THSD7B: variants seen among roughly 807,000 people sequenced by gnomAD.
THSD7B encodes thrombospondin type-1 domain-containing protein 7B.
In THSD7B, 138 loss-of-function variants were observed where a neutral mutation model predicts 213.6. That is an observed-to-expected ratio of 0.65 (90% confidence interval 0.56 to 0.74). THSD7B has a LOEUF of 0.74. THSD7B is among the 30% of genes least tolerant of loss of function. The probability of loss-of-function intolerance (pLI) is 0.00; values close to 1 mark genes in which losing one functional copy is unlikely to be tolerated. For synonymous variants in THSD7B, 742 were observed against 687.0 expected, an observed-to-expected ratio of 1.08 and a Z score of -1.25; for missense variants, 1,931 against 1,991.5, an observed-to-expected ratio of 0.97 and a Z score of 0.58.
intron 14 of THSD7B, among the ~76,000 whole-genome samples, chr2:137,420,375 C>G (rs1452032236): frequency 6.6e-6 from 1 of 152,072 alleles, no homozygotes. Context: ...TCCTAATAAC[C>G]TTTCTGAACT....
chr2:137,658,683 T>A (rs565205595), intron 24 of THSD7B, among the ~76,000 whole-genome samples: 1 of 152,332 alleles, frequency 6.6e-6, no homozygotes, highest in South Asian at 2.1e-4. Context: ...AATTCTGGAC[T>A]GTGAATTTTG....
At position 137,567,459 on chromosome 2, in the gene THSD7B, G is replaced by A. The variant is rs62168016; in HGVS notation, c.3272+4105G>A. Reference sequence around the variant, plus strand: ...ACATTTGAAAAGAGCCTTATTGGATGTGGTATAGGGAAGGTATTTTCAGAG... The same window carrying A: ...ACATTTGAAAAGAGCCTTATTGGATATGGTATAGGGAAGGTATTTTCAGAG... On this transcript the variant is annotated intron_variant, in intron 16 of 27. Coordinates refer to ENST00000409968, the MANE Select transcript of THSD7B (RefSeq NM_001316349.2). Among the ~76,000 whole-genome samples the A allele has an allele frequency of 3.4e-3, 519 of 152,180 alleles. 1 individual carries two copies. Among genetic ancestry groups the A allele is most frequent in the Non-Finnish European group, 5.3e-3 (358 of 68,004 alleles).
At chr2:137,268,813 C>A (rs1365711528) in intron 10 of THSD7B, among the ~76,000 whole-genome samples, 1 of 152,128 alleles carries the variant, frequency 6.6e-6, no homozygotes, top group Non-Finnish European at 1.5e-5. Context: ...TGGAGTTGCT[C>A]TGGTTCAAAC....
intron 2 of THSD7B, among the ~76,000 whole-genome samples, chr2:137,018,250 T>C (rs1686378985): frequency 1.3e-5 from 2 of 152,128 alleles, no homozygotes; most frequent in Non-Finnish European, 2.9e-5. Flanking sequence ...AATATTCTCA[T>C]TTAAAAAATT....
chr2:136,779,530 A>G (rs1221080126), intron 1 of THSD7B, among the ~76,000 whole-genome samples: 1 of 152,196 alleles, frequency 6.6e-6, no homozygotes, highest in Non-Finnish European at 1.5e-5. Context: ...CTGCATATAC[A>G]TTAGGAGCTA....
chr2:136,908,283 T>C (rs1394277513), intron 2 of THSD7B, among the ~76,000 whole-genome samples: 1 of 152,216 alleles, frequency 6.6e-6, no homozygotes, highest in African/African-American at 2.4e-5. Context: ...TAATAATATT[T>C]ATGTTGATTG....
chr2:137,156,389 T>C (rs1388004984), intron 5 of THSD7B, among the ~76,000 whole-genome samples: 3 of 152,154 alleles, frequency 2.0e-5, no homozygotes, highest in Non-Finnish European at 4.4e-5. Flanking sequence ...AAACAGCAGG[T>C]GCTGAAGAGA....
At chr2:137,406,869 A>G (rs1686532858) in intron 13 of THSD7B, among the ~76,000 whole-genome samples, 1 of 152,212 alleles carries the variant, frequency 6.6e-6, no homozygotes, top group African/African-American at 2.4e-5. Context: ...GCTTGTTTCT[A>G]AGATACAACA....
At chr2:136,819,177 A>G (rs1479162280) in intron 1 of THSD7B, among the ~76,000 whole-genome samples, 1 of 152,226 alleles carries the variant, frequency 6.6e-6, no homozygotes, top group African/African-American at 2.4e-5. Flanking sequence ...AAAGAAGCCC[A>G]TGGTCAAATG....
chr2:137,364,621 G>A (rs1685360741), intron 12 of THSD7B, among the ~76,000 whole-genome samples: 1 of 152,124 alleles, frequency 6.6e-6, no homozygotes, highest in Non-Finnish European at 1.5e-5. Flanking sequence ...GCCAAATCAT[G>A]AGTAATCTCC....
chr2:137,495,113 T>C (rs1456194095), intron 15 of THSD7B, among the ~76,000 whole-genome samples: 1 of 152,198 alleles, frequency 6.6e-6, no homozygotes. Context: ...TGCACAGTGC[T>C]AAGTATTGTG....
chr2:136,948,340 A>C (rs1033111544), intron 2 of THSD7B, among the ~76,000 whole-genome samples: 5 of 152,118 alleles, frequency 3.3e-5, no homozygotes, highest in African/African-American at 1.2e-4. Context: ...GAACCAACTT[A>C]ATGTGGTATT....
At chr2:137,167,655 A>G (rs183353950) in intron 6 of THSD7B, among the ~76,000 whole-genome samples, 2 of 152,256 alleles carry the variant, frequency 1.3e-5, no homozygotes, top group Non-Finnish European at 2.9e-5. Flanking sequence ...CCCACTGCCC[A>G]TTCTTTTCTA....
chr2:137,398,431 T>C (rs1218259878), intron 12 of THSD7B, among the ~76,000 whole-genome samples: 4 of 151,104 alleles, frequency 2.6e-5, no homozygotes, highest in African/African-American at 9.7e-5. Flanking sequence ...CTGTGTGAGG[T>C]GTCAGTGTGC....
intron 1 of THSD7B, among the ~76,000 whole-genome samples, chr2:136,768,391 CT>C (rs912433752): frequency 2.0e-5 from 3 of 151,470 alleles, no homozygotes; most frequent in African/African-American, 7.4e-5. Context: ...TGTATGATTC[CT>C]TTAAAGAAAA....
intron 2 of THSD7B, among the ~76,000 whole-genome samples, chr2:136,932,966 A>G (rs1163503482): frequency 6.6e-6 from 1 of 152,166 alleles, no homozygotes; most frequent in African/African-American, 2.4e-5. Flanking sequence ...GACTTGGTGC[A>G]GATAAAGCAT....
Position 137,072,465 on chromosome 2 carries a change from CTT to C in THSD7B, c.950+15237_950+15238del, listed in dbSNP as rs1280496398. On this transcript the variant is annotated intron_variant, in intron 3 of 27. Coordinates refer to ENST00000409968, the MANE Select transcript of THSD7B (RefSeq NM_001316349.2). ...TGTACATTGATTTTGTATCCTGAGA[CTT>C]TGCTGAAGTTGCTTATCAGCTTAAG... is the stretch of plus-strand genomic sequence containing the variant. 2.6e-5 allele frequency among the ~76,000 whole-genome samples: 4 copies of C among 152,072 alleles called. No homozygotes were observed. The South Asian group carries it at 6.2e-4, about 24-fold the overall frequency.
chr2:137,350,027 G>A (rs900285581), intron 12 of THSD7B, among the ~76,000 whole-genome samples: 4 of 151,742 alleles, frequency 2.6e-5, no homozygotes, highest in African/African-American at 9.7e-5. Flanking sequence ...AGTCTCTTAT[G>A]TATTAGATAT....
At chr2:137,029,416 T>G (rs1396579007) in intron 2 of THSD7B, among the ~76,000 whole-genome samples, 1 of 152,154 alleles carries the variant, frequency 6.6e-6, no homozygotes, top group Non-Finnish European at 1.5e-5. Context: ...ATTTTAGACA[T>G]AGATCCCACC....
Sources: allele counts gnomAD v4.1 joint callset (sites outside exome capture counted in the v4.1 genomes callset), GRCh38; gene constraint gnomAD v4.1.1; transcripts MANE v1.5; gene names NCBI Gene and HGNC (gene_info 2026-07-23, HGNC 2026-07-21).